XKR9: variants seen among roughly 807,000 people sequenced by gnomAD.
XKR9 encodes the protein XK-related protein 9.
In XKR9, 32 loss-of-function variants were observed where a neutral mutation model predicts 32.0. The ratio of observed to expected loss-of-function variants is 1.00; its 90% confidence interval spans 0.76 to 1.34. XKR9 has a LOEUF of 1.34. Ranked by LOEUF, XKR9 falls within the 40% of genes most tolerant of loss-of-function variation. XKR9 has a pLI of 0.00. For synonymous variants in XKR9, 168 were observed against 143.4 expected, an observed-to-expected ratio of 1.17 and a Z score of -1.22; for missense variants, 546 against 429.7, an observed-to-expected ratio of 1.27 and a Z score of -2.39.
chr8:70,967,598 C>T, the XKR9 span, among the ~76,000 whole-genome samples: 1 of 152,064 alleles, frequency 6.6e-6, no homozygotes, highest in Non-Finnish European at 1.5e-5. Context: ...ATATTTAGTG[C>T]TTCCTTCAGG....
the XKR9 span, among the ~76,000 whole-genome samples, chr8:70,809,988 T>G: frequency 6.6e-6 from 1 of 152,040 alleles, no homozygotes; most frequent in Admixed American, 6.5e-5. Context: ...CACATAATTG[T>G]CAAATTCACC....
chr8:70,712,705 A>C (rs181629077), intron 4 of XKR9, among the ~76,000 whole-genome samples: 1 of 152,150 alleles, frequency 6.6e-6, no homozygotes, highest in Non-Finnish European at 1.5e-5. Flanking sequence ...AGTCCAAAAA[A>C]CAAACAAAAT....
chr8:70,865,369 A>T, the XKR9 span, among the ~76,000 whole-genome samples: 3 of 152,064 alleles, frequency 2.0e-5, no homozygotes, highest in African/African-American at 7.2e-5. Flanking sequence ...CATCCTGATA[A>T]TGTTTTTAAA....
intron 2 of XKR9, among the ~76,000 whole-genome samples, chr8:70,747,069 G>T (rs535663319): frequency 3.3e-5 from 5 of 152,104 alleles, no homozygotes; most frequent in African/African-American, 1.2e-4. Flanking sequence ...GCTATCCATG[G>T]TTCTGCAGAG....
At chr8:70,695,738 C>T (rs1805247161) in intron 3 of XKR9, among the ~76,000 whole-genome samples, 1 of 150,694 alleles carries the variant, frequency 6.6e-6, no homozygotes, top group South Asian at 2.1e-4. Flanking sequence ...TTCTAGATCC[C>T]TGAGGAATTG....
At chr8:70,937,357 C>G in the XKR9 span, among the ~76,000 whole-genome samples, 1 of 151,934 alleles carries the variant, frequency 6.6e-6, no homozygotes, top group East Asian at 1.9e-4. Context: ...ATTTAACTGG[C>G]TAATTGTTAG....
At chr8:70,963,687 G>A in the XKR9 span, among the ~76,000 whole-genome samples, 6 of 152,314 alleles carry the variant, frequency 3.9e-5, no homozygotes, top group South Asian at 2.1e-4. Flanking sequence ...GTATCTCATC[G>A]TGGTTATGAA....
the XKR9 span, among the ~76,000 whole-genome samples, chr8:70,856,513 C>A: frequency 6.6e-6 from 1 of 152,062 alleles, no homozygotes; most frequent in Non-Finnish European, 1.5e-5. Context: ...GACTCCCGCA[C>A]AATAATAATG....
At chr8:70,894,399 G>T in the XKR9 span, among the ~76,000 whole-genome samples, 20 of 152,098 alleles carry the variant, frequency 1.3e-4, no homozygotes, top group Admixed American at 1.1e-3. Context: ...GGGAAGCAGG[G>T]CATCAGAGTT....
chr8:71,032,262 T>A, the XKR9 span, among the ~76,000 whole-genome samples: 1 of 118,798 alleles, frequency 8.4e-6, no homozygotes. Context: ...CCAGCCTGGG[T>A]GACAGAGTGA....
downstream of XKR9, among the ~76,000 whole-genome samples, chr8:70,790,526 C>G (rs1433098338): frequency 6.6e-6 from 1 of 152,018 alleles, no homozygotes; most frequent in Non-Finnish European, 1.5e-5. Flanking sequence ...GGATGGTTCA[C>G]ATTAATTACA....
chr8:70,908,205 C>T, the XKR9 span, among the ~76,000 whole-genome samples: 2 of 103,816 alleles, frequency 1.9e-5, no homozygotes, highest in African/African-American at 6.9e-5. Flanking sequence ...CTATAGTAAA[C>T]TTTTACCTGA....
the XKR9 span, among the ~76,000 whole-genome samples, chr8:70,920,308 A>C: frequency 6.6e-6 from 1 of 152,248 alleles, no homozygotes; most frequent in Non-Finnish European, 1.5e-5. Flanking sequence ...AATGATAAAC[A>C]AAATTTAGTC....
At chr8:70,765,866 C>A (rs1016003626) in intron 2 of XKR9, among the ~76,000 whole-genome samples, 4 of 152,188 alleles carry the variant, frequency 2.6e-5, no homozygotes, top group Non-Finnish European at 4.4e-5. Flanking sequence ...ATAGGGAATT[C>A]TTTCCCCCAT....
the XKR9 span, among the ~76,000 whole-genome samples, chr8:70,969,009 A>T: frequency 1.3e-5 from 2 of 151,928 alleles, no homozygotes; most frequent in East Asian, 3.9e-4. Flanking sequence ...CCTCATTCAG[A>T]CCTCCCGGAC....
chr8:71,017,738 G>C, the XKR9 span, among the ~76,000 whole-genome samples: 2 of 152,172 alleles, frequency 1.3e-5, no homozygotes, highest in African/African-American at 4.8e-5. Flanking sequence ...GAGCTCATGA[G>C]CTCGGGTACT....
rs1410023097 is a variant in XKR9, at chr8:70,735,028, ATATAAT to A, written c.*609_*614del. 4 of 152,318 alleles carry A rather than the reference ATATAAT, an allele frequency of 2.6e-5. No homozygotes were observed. The highest frequency in any genetic ancestry group is 4.1e-4 in the South Asian group (2 of 4,822). The allele number at this position is 152,318 out of a possible 1,614,324, so 9.4% of individuals were successfully genotyped here. On this transcript the variant is annotated 3_prime_UTR_variant, in exon 5 of 5. Coordinates refer to ENST00000408926, the MANE Select transcript of XKR9 (RefSeq NM_001011720.2). Reference sequence around the variant, plus strand: ...TTTTCTGAATTAATGCACTCTTAACATATAATTATATTAATCCTATTTGTGCTAGAA... The same window carrying A: ...TTTTCTGAATTAATGCACTCTTAACATATATTAATCCTATTTGTGCTAGAA...
chr8:71,007,885 T>C, the XKR9 span, among the ~76,000 whole-genome samples: 2 of 151,804 alleles, frequency 1.3e-5, no homozygotes, highest in Admixed American at 6.6e-5. Flanking sequence ...CCCTGAAAAA[T>C]GTGAAAATAA....
the XKR9 span, among the ~76,000 whole-genome samples, chr8:70,904,924 T>C: frequency 6.6e-6 from 1 of 152,370 alleles, no homozygotes; most frequent in East Asian, 1.9e-4. Flanking sequence ...AAAATTGTTT[T>C]CTTTAAGAAT....
Sources: gnomAD v4.1 joint callset for allele counts (sites outside exome capture counted in the v4.1 genomes callset) on GRCh38, gnomAD v4.1.1 for gene constraint, MANE v1.5 for transcripts, NCBI Gene and HGNC (gene_info 2026-07-23, HGNC 2026-07-21) for gene names.